Variants in CPD observed in about 807,000 individuals in gnomAD.
CPD encodes the protein carboxypeptidase D.
In CPD, 69 loss-of-function variants were observed where a neutral mutation model predicts 138.3. That is an observed-to-expected ratio of 0.50 (90% CI 0.41 to 0.61). The LOEUF is 0.61. CPD is among the 20% of genes least tolerant of loss of function. The pLI is 0.00. For synonymous variants in CPD, 651 were observed against 642.1 expected (o/e 1.01, Z -0.21); for missense variants, 1,432 against 1,733.3 (o/e 0.83, Z 3.09).
At chr17:30,421,614 T>C in intron 3 of CPD, 50 bp from the exon 4 acceptor site, 1 of 1,563,048 alleles carries the variant, frequency 6.4e-7, no homozygotes, top group Non-Finnish European at 8.8e-7. Context: ...AATTATGCGC[T>C]CTTGCCTTCC....
chr17:30,414,952 GA>G (rs1438051411), intron 2 of CPD, among the ~76,000 whole-genome samples: 10 of 150,152 alleles, frequency 6.7e-5, no homozygotes, highest in Non-Finnish European at 1.2e-4. Context: ...GCTGGGGACA[GA>G]AATTTGAGGG....
At chr17:30,383,690 A>G (rs1256185465) in intron 1 of CPD, among the ~76,000 whole-genome samples, 3 of 152,020 alleles carry the variant, frequency 2.0e-5, no homozygotes, top group Non-Finnish European at 4.4e-5. Context: ...AATACTACTC[A>G]TCATGCTTAA....
chr17:30,381,355 C>T (rs1289113543), intron 1 of CPD, among the ~76,000 whole-genome samples: 1 of 152,076 alleles, frequency 6.6e-6, no homozygotes, highest in East Asian at 1.9e-4. Context: ...GATGTAAATT[C>T]TGTGCCTGGA....
In CPD at chr17:30,442,309, A is replaced by G; in HGVS notation, c.2232A>G (p.Gly744=). The G allele has an allele frequency of 6.2e-7, 1 of 1,611,012 alleles. No homozygotes were observed. Among genetic ancestry groups the G allele is most frequent in the Non-Finnish European group, 8.5e-7 (1 of 1,177,868 alleles). Residue 744 remains glycine (G), a splice_region_variant and synonymous_variant, in exon 10 of 21, where the codon GGA becomes GGG. Transcript: ENST00000225719. ...CTAATTTTAATTTTTATCTTTTAGGAGGAATGCAGGACTGGAACTATTTAC... is the reference window on the plus strand; with the variant it reads ...CTAATTTTAATTTTTATCTTTTAGGGGGAATGCAGGACTGGAACTATTTAC... ...TNGASWYNVP[G]GMQDWNYLQT...
chr17:30,398,977 A>G (rs910450300), intron 2 of CPD, among the ~76,000 whole-genome samples: 2 of 151,886 alleles, frequency 1.3e-5, no homozygotes, highest in South Asian at 2.1e-4. Context: ...TTAGTTTGCT[A>G]CTCTTCAGAC....
At chr17:30,461,362 G>A in intron 18 of CPD, 51 bp downstream of exon 18, 1 of 1,395,034 alleles carries the variant, frequency 7.2e-7, no homozygotes. Context: ...TATGTTCAGT[G>A]AAAACCTTTA....
At chr17:30,438,914 A>C in intron 8 of CPD, 61 bp from the exon 9 acceptor site, 1 of 1,042,550 alleles carries the variant, frequency 9.6e-7, no homozygotes, top group Non-Finnish European at 1.4e-6. Context: ...GTATCTTTCC[A>C]GTATTTTTTT....
At chr17:30,429,768 G>C (rs1256223224) in intron 7 of CPD, among the ~76,000 whole-genome samples, 1 of 152,086 alleles carries the variant, frequency 6.6e-6, no homozygotes, top group Admixed American at 6.5e-5. Context: ...AGACTTCTAG[G>C]GGTAAAAAAT....
chr17:30,390,220 T>C (rs1448987912), intron 2 of CPD, among the ~76,000 whole-genome samples: 1 of 152,152 alleles, frequency 6.6e-6, no homozygotes, highest in Non-Finnish European at 1.5e-5. Flanking sequence ...TTTTACCATG[T>C]TGACCAGGCT....
intron 2 of CPD, among the ~76,000 whole-genome samples, chr17:30,411,427 CTCCTGGATAATATCCTGAAGA>C (rs1911965406): frequency 6.6e-6 from 1 of 152,174 alleles, no homozygotes; most frequent in East Asian, 1.9e-4. Flanking sequence ...TGGAGAAGTT[CTCCTGGATAATATCCTGAAGA>C]GTGTTTTCTA....
At position 30,466,283 on chromosome 17, in the gene CPD, A is replaced by G. The variant is rs1913634084; in HGVS notation, c.*1469A>G. 6.6e-6 allele frequency: 1 copy of G among 152,612 alleles called. No homozygotes were observed. Among genetic ancestry groups the G allele is most frequent in the Admixed American group, 6.5e-5 (1 of 15,274 alleles). The allele number at this position is 152,612 out of a possible 1,614,324, so 9.5% of individuals were successfully genotyped here. A position where few individuals can be genotyped will look rare whatever the true frequency, so the allele number is the denominator to read the frequency against. On this transcript the variant is annotated 3_prime_UTR_variant, in exon 21 of 21. Coordinates refer to ENST00000225719, the MANE Select transcript of CPD (RefSeq NM_001304.5). The stretch of plus-strand genomic sequence containing the variant: ...ACTTGCTCTTATCTTCTCAAATTGT[A>G]TTCTATATCCATTAATGTATCAGTT...
intron 8 of CPD, among the ~76,000 whole-genome samples, chr17:30,438,453 A>AAT (rs1487321915): frequency 6.6e-6 from 1 of 152,136 alleles, no homozygotes; most frequent in Admixed American, 6.5e-5. Context: ...TGTTTCAAGG[A>AAT]ATAGTGTATT....
chr17:30,460,907 C>G (rs1256100816), intron 17 of CPD, among the ~76,000 whole-genome samples: 1 of 152,196 alleles, frequency 6.6e-6, no homozygotes, highest in Non-Finnish European at 1.5e-5. Flanking sequence ...CCCGAATAAA[C>G]CCCATCTACC....
chr17:30,395,852 G>A (rs1911492442), intron 2 of CPD, among the ~76,000 whole-genome samples: 1 of 152,096 alleles, frequency 6.6e-6, no homozygotes, highest in Admixed American at 6.6e-5. Flanking sequence ...CATATCATTA[G>A]CAAATATATA....
intron 12 of CPD, among the ~76,000 whole-genome samples, chr17:30,447,197 A>G (rs963864117): frequency 6.6e-6 from 1 of 152,100 alleles, no homozygotes; most frequent in Non-Finnish European, 1.5e-5. Flanking sequence ...CCATTTGTCA[A>G]TTTTGGCTTT....
At chr17:30,414,222 G>C (rs868456506) in intron 2 of CPD, among the ~76,000 whole-genome samples, 1 of 152,148 alleles carries the variant, frequency 6.6e-6, no homozygotes, top group Non-Finnish European at 1.5e-5. Context: ...AATTACTCTG[G>C]CATCTCTGTT....
rs118158728 is a variant in CPD at position 30,454,909 on chromosome 17, G to A, written c.3206-430G>A. On this transcript the variant is annotated intron_variant, in intron 14 of 20. Transcript: ENST00000225719. The stretch of plus-strand genomic sequence containing the variant: ...CACAAGAATAGCATGGCAAAGACCC[G>A]CCCCCATGATTCAGTCACCTCCCAC... 7.6e-4 allele frequency: 118 copies of A among 155,878 alleles called. 1 individual carries two copies. The East Asian group carries it at 0.02, about 26-fold the overall frequency. The allele number at this position is 155,878 out of a possible 1,614,324, so 9.7% of individuals were successfully genotyped here.
At chr17:30,458,896 A>G (rs1913375726) in intron 17 of CPD, among the ~76,000 whole-genome samples, 1 of 151,310 alleles carries the variant, frequency 6.6e-6, no homozygotes, top group Non-Finnish European at 1.5e-5. Context: ...AAAGAGTTTT[A>G]TGGATCAAGC....
intron 2 of CPD, among the ~76,000 whole-genome samples, chr17:30,400,203 T>C (rs1375599487): frequency 6.6e-6 from 1 of 152,178 alleles, no homozygotes; most frequent in Non-Finnish European, 1.5e-5. Context: ...CTGCTTCCTT[T>C]TTCCTGCCTT....
Sources: gnomAD v4.1 joint callset for allele counts (sites outside exome capture counted in the v4.1 genomes callset) on GRCh38, gnomAD v4.1.1 for gene constraint, MANE v1.5 for transcripts, NCBI Gene and HGNC (gene_info 2026-07-23, HGNC 2026-07-21) for gene names.